The following POU6F2 variants were observed in gnomAD, a reference collection of about 807,000 sequenced individuals.
POU6F2 encodes the protein POU class 6 homeobox 2, also known as POU domain, class 6, transcription factor 2.
POU6F2 carries 31 observed loss-of-function variants against 71.3 expected under a neutral mutation model. The ratio of observed to expected loss-of-function variants is 0.43; its 90% CI spans 0.33 to 0.59. The LOEUF (loss-of-function observed/expected upper bound fraction) is 0.59. Among genes scored for constraint, POU6F2 ranks in the 20% least tolerant of loss-of-function variants. The pLI, the probability that POU6F2 is intolerant of heterozygous loss-of-function variation, is 0.04. For missense variants in POU6F2, 783 were observed against 856.8 expected (o/e 0.91, Z 1.07); for synonymous variants, 347 against 355.7 (o/e 0.98, Z 0.27).
At chr7:39,189,732 C>T (rs185652603) in intron 2 of POU6F2, among the ~76,000 whole-genome samples, 1 of 151,830 alleles carries the variant, frequency 6.6e-6, no homozygotes, top group East Asian at 2.0e-4. Flanking sequence ...TTTTTCCTAC[C>T]TCCTGCAGAA....
chr7:39,105,257 A>G (rs1283011753), intron 2 of POU6F2, among the ~76,000 whole-genome samples: 3 of 151,956 alleles, frequency 2.0e-5, no homozygotes, highest in Non-Finnish European at 4.4e-5. Flanking sequence ...ACCATTTCCA[A>G]CTCTTTATGT....
intron 8 of POU6F2, among the ~76,000 whole-genome samples, chr7:39,458,881 C>T (rs1168848803): frequency 6.6e-6 from 1 of 152,156 alleles, no homozygotes; most frequent in Non-Finnish European, 1.5e-5. Flanking sequence ...ACTGACCAGA[C>T]TATATGGCTC....
chr7:39,384,131 G>A (rs898380472), intron 5 of POU6F2, among the ~76,000 whole-genome samples: 1 of 152,192 alleles, frequency 6.6e-6, no homozygotes, highest in African/African-American at 2.4e-5. Flanking sequence ...GTCAAGGAGG[G>A]GAGGATAAAT....
At position 38,995,388 on chromosome 7, in the gene POU6F2, AAG is replaced by A. The variant is rs1788707612; in HGVS notation, c.105+17335_105+17336del. ...TTCAAGGCAATATTGCTAAGTGGTT[AAG>A]AGAGGACTGAAAATGACACATGTAT... is the stretch of plus-strand genomic sequence containing the variant. On this transcript the variant is annotated intron_variant, in intron 1 of 9. Coordinates refer to ENST00000518318, the MANE Select transcript of POU6F2 (RefSeq NM_001370959.1). 4.6e-5 allele frequency among the ~76,000 whole-genome samples: 7 copies of A among 152,344 alleles called. No individual in the cohort carries two copies. In the South Asian group the frequency reaches 1.2e-3, roughly 27 times the overall value.
chr7:39,436,476 T>A (rs1788245789), intron 7 of POU6F2, among the ~76,000 whole-genome samples: 1 of 68,892 alleles, frequency 1.5e-5, no homozygotes, highest in Admixed American at 1.4e-4. Flanking sequence ...TGATTTTGTA[T>A]CCTGAGACTT....
intron 1 of POU6F2, among the ~76,000 whole-genome samples, chr7:39,076,287 C>A (rs902112114): frequency 5.9e-5 from 9 of 151,560 alleles, no homozygotes; most frequent in African/African-American, 1.2e-4. Context: ...ATCAACCAGT[C>A]AAACACACTT....
At chr7:39,204,440 G>A in intron 3 of POU6F2, 114 bp downstream of exon 3, 1 of 795,296 alleles carries the variant, frequency 1.3e-6, no homozygotes, top group Non-Finnish European at 1.9e-6. Flanking sequence ...GAGCAAAGAT[G>A]GTAATAAATT....
chr7:39,353,426 CACTT>C (rs1218816312), intron 5 of POU6F2, among the ~76,000 whole-genome samples: 1 of 152,228 alleles, frequency 6.6e-6, no homozygotes, highest in African/African-American at 2.4e-5. Context: ...TCCTCATAGT[CACTT>C]ACATGTATTT....
At chr7:39,251,171 G>C (rs1783908912) in intron 4 of POU6F2, among the ~76,000 whole-genome samples, 1 of 152,218 alleles carries the variant, frequency 6.6e-6, no homozygotes. Context: ...TCAGAAAAGA[G>C]ATATGGGCTC....
chr7:39,077,480 G>A (rs939491213), intron 1 of POU6F2, among the ~76,000 whole-genome samples: 2 of 152,184 alleles, frequency 1.3e-5, no homozygotes, highest in African/African-American at 4.8e-5. Context: ...TGGCTTAATT[G>A]CTTGTCTGTG....
intron 2 of POU6F2, among the ~76,000 whole-genome samples, chr7:39,121,791 C>T (rs1005957503): frequency 7.2e-5 from 11 of 152,104 alleles, no homozygotes; most frequent in Non-Finnish European, 1.0e-4. Flanking sequence ...CTCCACCTCC[C>T]GGGTTCAAGC....
intron 1 of POU6F2, among the ~76,000 whole-genome samples, chr7:38,997,878 C>A (rs1268359590): frequency 1.3e-5 from 2 of 152,092 alleles, no homozygotes; most frequent in African/African-American, 2.4e-5. Flanking sequence ...ATTATCAAGT[C>A]CAACAGACCC....
At chr7:39,087,155 A>ATTTATTT in intron 2 of POU6F2, among the ~76,000 whole-genome samples, 1 of 52,286 alleles carries the variant, frequency 1.9e-5, no homozygotes, top group African/African-American at 9.1e-5. Flanking sequence ...TTAATTAATT[A>ATTTATTT]ATTAATTTAT....
rs772962833 is a variant in POU6F2, at chr7:39,433,256, G to T, written c.1293G>T (p.Thr431=). The T allele has an allele frequency of 1.9e-6, 3 of 1,613,878 alleles. No homozygotes were observed. Among genetic ancestry groups the T allele is most frequent in the Non-Finnish European group, 1.7e-6 (2 of 1,179,870 alleles). The stretch of plus-strand genomic sequence containing the variant: ...CCGTGATCAACACCCAGGGCATCAC[G>T]CTGTCACCCATCAAGCCCGGCCAGC... ...ILPVINTQGI[T]LSPIKPGQQL... is the part of the protein sequence containing the mutation. The change falls in exon 7 of 10, where the codon ACG becomes ACT. Residue 431 remains threonine (T), a synonymous_variant. Coordinates refer to ENST00000518318, the MANE Select transcript of POU6F2 (RefSeq NM_001370959.1).
chr7:39,388,457 AG>A (rs1487201793), intron 5 of POU6F2, among the ~76,000 whole-genome samples: 5 of 152,152 alleles, frequency 3.3e-5, no homozygotes, highest in Non-Finnish European at 5.9e-5. Flanking sequence ...CTGAGACTAC[AG>A]GCTCCCGCCA....
chr7:39,463,568 C>T (rs1054778369), intron 9 of POU6F2, among the ~76,000 whole-genome samples: 9 of 151,954 alleles, frequency 5.9e-5, no homozygotes, highest in Admixed American at 2.6e-4. Context: ...AACTTACATA[C>T]GGTGAAAATT....
At chr7:39,244,866 T>C (rs1484023228) in intron 4 of POU6F2, among the ~76,000 whole-genome samples, 1 of 152,138 alleles carries the variant, frequency 6.6e-6, no homozygotes, top group East Asian at 1.9e-4. Flanking sequence ...GATTCTTCCA[T>C]TGAAAAGGAT....
intron 4 of POU6F2, among the ~76,000 whole-genome samples, chr7:39,318,204 G>A (rs890753299): frequency 4.6e-5 from 7 of 152,100 alleles, no homozygotes; most frequent in African/African-American, 1.4e-4. Flanking sequence ...CTGATTTCTT[G>A]TGATATTTAG....
chr7:39,149,084 G>A (rs1792686447), intron 2 of POU6F2, among the ~76,000 whole-genome samples: 1 of 152,174 alleles, frequency 6.6e-6, no homozygotes, highest in African/African-American at 2.4e-5. Flanking sequence ...TGAGGAAGCA[G>A]CAGAGAAGGG....
Sources: allele counts gnomAD v4.1 joint callset (sites outside exome capture counted in the v4.1 genomes callset), GRCh38; gene constraint gnomAD v4.1.1; transcripts MANE v1.5; gene names NCBI Gene and HGNC (gene_info 2026-07-23, HGNC 2026-07-21).